The following PLEKHH1 variants were observed in gnomAD, a reference collection of about 807,000 sequenced individuals.
PLEKHH1 encodes pleckstrin homology, MyTH4 and FERM domain containing H1.
In PLEKHH1, 104 loss-of-function variants were observed where a neutral mutation model predicts 160.0. The ratio of observed to expected loss-of-function variants is 0.65; its 90% CI spans 0.55 to 0.76. The LOEUF is 0.76. PLEKHH1 is among the 30% of genes least tolerant of loss of function. PLEKHH1 has a pLI of 0.00. For missense variants in PLEKHH1, 1,427 were observed against 1,724.1 expected, an observed-to-expected ratio of 0.83 and a Z score of 3.05; for synonymous variants, 619 against 678.4, an observed-to-expected ratio of 0.91 and a Z score of 1.36.
chr14:67,539,961 C>G (rs570355764), intron 1 of PLEKHH1, among the ~76,000 whole-genome samples: 5 of 152,000 alleles, frequency 3.3e-5, no homozygotes, highest in East Asian at 1.9e-4. Context: ...AAGTCACATG[C>G]GAGGGGAGAA....
intron 7 of PLEKHH1, among the ~76,000 whole-genome samples, chr14:67,566,274 A>G (rs1459678872): frequency 2.5e-5 from 2 of 80,968 alleles, no homozygotes; most frequent in Admixed American, 3.1e-4. Context: ...CAGGAAGACT[A>G]GGGGATGGAA....
chr14:67,544,373 G>A lies in PLEKHH1; in HGVS notation c.126+2380G>A, dbSNP rs12587008. On this transcript the variant is annotated intron_variant, in intron 2 of 28. Coordinates refer to ENST00000329153, the MANE Select transcript of PLEKHH1 (RefSeq NM_020715.3). Reference sequence around the variant, plus strand: ...AGTGATACCCCTGGGGAGCCTGGTAGGGACAGAAACAAAACCTCTCTGGAG... The same window carrying A: ...AGTGATACCCCTGGGGAGCCTGGTAAGGACAGAAACAAAACCTCTCTGGAG... Among the ~76,000 whole-genome samples the A allele has an allele frequency of 4.4e-3, 670 of 152,240 alleles. 17 individuals are homozygous for A. In the East Asian group the frequency reaches 0.061, roughly 14 times the overall value.
At chr14:67,535,390 TTTTTTTTTG>T (rs2033668846) in intron 1 of PLEKHH1, among the ~76,000 whole-genome samples, 1 of 141,192 alleles carries the variant, frequency 7.1e-6, no homozygotes, top group African/African-American at 2.7e-5. Context: ...TTTTTTTTTT[TTTTTTTTTG>T]AGCCAGAGTC....
intron 8 of PLEKHH1, chr14:67,569,696 A>C: frequency 1.7e-6 from 1 of 577,726 alleles, no homozygotes; most frequent in Admixed American, 3.0e-5. Context: ...AAAATGGTTA[A>C]AGGTAAGGCT....
At chr14:67,551,573 G>A (rs2034392258) in intron 2 of PLEKHH1, among the ~76,000 whole-genome samples, 1 of 152,120 alleles carries the variant, frequency 6.6e-6, no homozygotes, top group Admixed American at 6.5e-5. Context: ...CCTCTTAGCT[G>A]TGCCATTCTC....
At position 67,574,152 on chromosome 14, in the gene PLEKHH1, G is replaced by A; in HGVS notation, c.1927-90G>A. 1 of 1,202,610 alleles carries A rather than the reference G, an allele frequency of 8.3e-7. No individual in the cohort carries two copies. The highest frequency in any genetic ancestry group is 1.5e-5 in the African/African-American group (1 of 65,170). The allele number at this position is 1,202,610 out of a possible 1,614,324, so 74.5% of individuals were successfully genotyped here. A position where few individuals can be genotyped will look rare whatever the true frequency, so the allele number is the denominator to read the frequency against. On this transcript the variant is annotated intron_variant, in intron 13 of 28. Transcript: ENST00000329153. The surrounding 1 kb of genome is among the most constrained non-coding windows in gnomAD (Gnocchi z 4.2). ...GGGCAGGCAGAAGGCCAGCCCCTTG[G>A]GTTCAGGGACAGGTGCCACCTCGGA...
chr14:67,564,048 C>T (rs1293122342), intron 7 of PLEKHH1, among the ~76,000 whole-genome samples: 1 of 151,758 alleles, frequency 6.6e-6, no homozygotes, highest in African/African-American at 2.4e-5. Context: ...ACCACAGGCA[C>T]CTGCCACCAC....
At chr14:67,547,758 C>T (rs553918757) in intron 2 of PLEKHH1, among the ~76,000 whole-genome samples, 1 of 152,328 alleles carries the variant, frequency 6.6e-6, no homozygotes, top group Admixed American at 6.5e-5. Flanking sequence ...ACACAGTCTA[C>T]TTGCACCTGA....
intron 7 of PLEKHH1, 55 bp from the exon 8 acceptor site, chr14:67,569,083 G>T: frequency 8.3e-7 from 1 of 1,201,790 alleles, no homozygotes; most frequent in African/African-American, 1.5e-5. Context: ...ATGCCTGGAG[G>T]GGGTGGGATG....
Position 67,537,039 on chromosome 14 carries a change from C to CAAT in PLEKHH1, c.-35+3656_-35+3658dup, listed in dbSNP as rs1026597989. Among the ~76,000 whole-genome samples the CAAT allele has an allele frequency of 4.6e-4, 67 of 147,222 alleles. 1 individual carries two copies. The highest frequency in any genetic ancestry group is 3.3e-3 in the Middle Eastern group (1 of 302). ...TGGGTGACAGAGCGAGACTCCATCT[C>CAAT]AATAATAATAATAATAAAATAAAAA... On this transcript the variant is annotated intron_variant, in intron 1 of 28. Coordinates refer to ENST00000329153, the MANE Select transcript of PLEKHH1 (RefSeq NM_020715.3).
intron 7 of PLEKHH1, among the ~76,000 whole-genome samples, chr14:67,564,143 C>T (rs113877280): frequency 6.6e-6 from 1 of 151,904 alleles, no homozygotes; most frequent in Non-Finnish European, 1.5e-5. Context: ...CCTCGTGATC[C>T]GCCCGCCTCA....
intron 8 of PLEKHH1, 91 bp from the exon 9 acceptor site, chr14:67,569,830 A>G: frequency 1.3e-6 from 1 of 796,938 alleles, no homozygotes. Context: ...CTGCTCCTGG[A>G]GGGAATGCCA....
At chr14:67,584,880 G>A (rs1019799840) in intron 26 of PLEKHH1, among the ~76,000 whole-genome samples, 3 of 152,142 alleles carry the variant, frequency 2.0e-5, no homozygotes, top group African/African-American at 4.8e-5. Flanking sequence ...GATGTACAGA[G>A]GTGTTATAAA....
Position 67,578,717 on chromosome 14 carries a change from C to T in PLEKHH1, c.2849+86C>T. ...AGGGATGAGAGGAGTCTAGGGCAGA[C>T]CAGATCACTCCTGTCCTCTGAAACC... On this transcript the variant is annotated intron_variant, in intron 20 of 28. Coordinates refer to ENST00000329153, the MANE Select transcript of PLEKHH1 (RefSeq NM_020715.3). The surrounding 1 kb of genome is among the most constrained non-coding windows in gnomAD (Gnocchi z 5.0). The T allele has an allele frequency of 1.2e-6, 1 of 851,218 alleles. No homozygotes were observed. The highest frequency in any genetic ancestry group is 1.4e-5 in the South Asian group (1 of 69,642). The allele number at this position is 851,218 out of a possible 1,614,324, so 52.7% of individuals were successfully genotyped here.
At chr14:67,545,719 A>T (rs2034150749) in intron 2 of PLEKHH1, among the ~76,000 whole-genome samples, 1 of 152,248 alleles carries the variant, frequency 6.6e-6, no homozygotes, top group South Asian at 2.1e-4. Flanking sequence ...CTACATTGCA[A>T]TTAAAAATGA....
In PLEKHH1 at chr14:67,579,124, G is replaced by T. The variant is rs75805791; in HGVS notation, c.2850-10G>T. ...AGAGCCCATAATACTCCCCTCTTCC[G>T]TCTTTTTAGAAGTGAAACTGGCCAG... On this transcript the variant is annotated splice_polypyrimidine_tract_variant and intron_variant, in intron 20 of 28. Coordinates refer to ENST00000329153, the MANE Select transcript of PLEKHH1 (RefSeq NM_020715.3). 8.1e-6 allele frequency: 9 copies of T among 1,112,046 alleles called. No homozygotes were observed. The highest frequency in any genetic ancestry group is 6.7e-5 in the Admixed American group (2 of 29,686). 68.9% of individuals were successfully genotyped at this position (1,112,046 alleles called of 1,614,324 possible). A position where few individuals can be genotyped will look rare whatever the true frequency, so the allele number is the denominator to read the frequency against.
intron 15 of PLEKHH1, 55 bp from the exon 16 acceptor site, chr14:67,575,768 G>A: frequency 7.5e-7 from 1 of 1,327,460 alleles, no homozygotes; most frequent in South Asian, 1.3e-5. Context: ...TCAGAGAGAG[G>A]AGACTCCCTC....
rs2140487574 is a variant in PLEKHH1, at chr14:67,574,845, A to G, written c.2088+442A>G. On this transcript the variant is annotated intron_variant, in intron 14 of 28. Coordinates refer to ENST00000329153, the MANE Select transcript of PLEKHH1 (RefSeq NM_020715.3). The surrounding 1 kb of genome is among the most constrained non-coding windows in gnomAD (Gnocchi z 4.2). ...AACAGAGCAGAGAAGCAGTTGTTAA[A>G]CCCAAGAAAATGGAAGTTAACAAGG... Among the ~76,000 whole-genome samples, 1 of 152,248 alleles carries G rather than the reference A, an allele frequency of 6.6e-6. No homozygotes were observed. Among genetic ancestry groups the G allele is most frequent in the South Asian group, 2.1e-4 (1 of 4,818 alleles).
At chr14:67,570,297 C>T in intron 9 of PLEKHH1, 1 of 976,906 alleles carries the variant, frequency 1.0e-6, no homozygotes, top group Non-Finnish European at 1.2e-6. Flanking sequence ...CCTCACTCCT[C>T]AGGTCCCAGA....
Sources: gnomAD v4.1 joint callset for allele counts (sites outside exome capture counted in the v4.1 genomes callset) on GRCh38, gnomAD v4.1.1 for gene constraint, Gnocchi (gnomAD v3.1) non-coding constraint, MANE v1.5 for transcripts, NCBI Gene and HGNC (gene_info 2026-07-23, HGNC 2026-07-21) for gene names.